The following LRRC3B variants were observed in gnomAD, a reference collection of about 807,000 sequenced individuals.
The protein encoded by LRRC3B is leucine-rich repeat-containing protein 3B.
In LRRC3B, 2 loss-of-function variants were observed where a neutral mutation model predicts 12.8. That is an observed-to-expected ratio of 0.16 (90% CI 0.06 to 0.49). LRRC3B has a LOEUF of 0.49. Among genes scored for constraint, LRRC3B ranks in the 20% least tolerant of loss-of-function variants. The pLI, the probability that LRRC3B is intolerant of heterozygous loss-of-function variation, is 0.96. For missense variants in LRRC3B, 189 were observed against 319.4 expected (o/e 0.59, Z 3.11); for synonymous variants, 132 against 122.0 (o/e 1.08, Z -0.54).
intron 1 of LRRC3B, among the ~76,000 whole-genome samples, chr3:26,660,604 C>T (rs1699472790): frequency 6.6e-6 from 1 of 152,142 alleles, no homozygotes; most frequent in Admixed American, 6.6e-5. Context: ...CTTGAGTAGT[C>T]AGTACGTGCC....
chr3:26,636,959 T>TTTCTTTCTTTCTTTCC (rs1559350395), intron 1 of LRRC3B, among the ~76,000 whole-genome samples: 9 of 125,032 alleles, frequency 7.2e-5, no homozygotes, highest in Admixed American at 2.7e-4. Flanking sequence ...TCTTTCTTTC[T>TTTCTTTCTTTCTTTCC]TTCTTTCTTT....
intron 1 of LRRC3B, among the ~76,000 whole-genome samples, chr3:26,699,222 A>C (rs1700393643): frequency 6.6e-6 from 1 of 152,166 alleles, no homozygotes; most frequent in African/African-American, 2.4e-5. Flanking sequence ...AGTTATACTT[A>C]AGAAATGTGA....
At chr3:26,636,695 T>C (rs1278272255) in intron 1 of LRRC3B, among the ~76,000 whole-genome samples, 1 of 152,134 alleles carries the variant, frequency 6.6e-6, no homozygotes, top group Non-Finnish European at 1.5e-5. Context: ...AGGACAACAG[T>C]GCTGAAAAAT....
intron 1 of LRRC3B, among the ~76,000 whole-genome samples, chr3:26,668,556 C>T (rs1429567997): frequency 2.6e-5 from 4 of 152,130 alleles, no homozygotes; most frequent in Admixed American, 6.5e-5. Flanking sequence ...CAAGGAGAAT[C>T]GACTATTAGG....
At chr3:26,671,413 G>GAGAGAGAGAGAGAGAGAGAGACACAC (rs9331540) in intron 1 of LRRC3B, among the ~76,000 whole-genome samples, 15 of 99,408 alleles carry the variant, frequency 1.5e-4, no homozygotes, top group Non-Finnish European at 2.3e-4. Flanking sequence ...GAGAGAGAGA[G>GAGAGAGAGAGAGAGAGAGAGACACAC]ACGAAGTCTT....
At chr3:26,700,074 C>A (rs970112125) in intron 1 of LRRC3B, among the ~76,000 whole-genome samples, 3 of 152,154 alleles carry the variant, frequency 2.0e-5, no homozygotes, top group Non-Finnish European at 4.4e-5. Context: ...AGAGTCAGTT[C>A]TTTCCCAATA....
intron 1 of LRRC3B, among the ~76,000 whole-genome samples, chr3:26,672,900 A>G (rs1270818856): frequency 6.6e-6 from 1 of 152,210 alleles, no homozygotes; most frequent in African/African-American, 2.4e-5. Context: ...ACATTCCACC[A>G]GATCAGCTGT....
chr3:26,636,890 CTCTCTCTCTCT>C (rs1559350164), intron 1 of LRRC3B, among the ~76,000 whole-genome samples: 1,031 of 86,922 alleles, frequency 0.012, 113 homozygotes, highest in African/African-American at 0.047. Context: ...TCCTTCCTTT[CTCTCTCTCTCT>C]CTTTCTCTCT....
At chr3:26,636,418 C>A (rs1698872341) in intron 1 of LRRC3B, among the ~76,000 whole-genome samples, 1 of 152,072 alleles carries the variant, frequency 6.6e-6, no homozygotes, top group South Asian at 2.1e-4. Flanking sequence ...ATGGCTTTTG[C>A]CATTTGAGAA....
At chr3:26,627,984 C>T (rs1698666567) in intron 1 of LRRC3B, among the ~76,000 whole-genome samples, 1 of 152,140 alleles carries the variant, frequency 6.6e-6, no homozygotes, top group African/African-American at 2.4e-5. Context: ...GGAACCTGGG[C>T]AGACATTCTG....
chr3:26,695,160 A>G (rs770226743), intron 1 of LRRC3B, among the ~76,000 whole-genome samples: 6 of 152,118 alleles, frequency 3.9e-5, no homozygotes, highest in Non-Finnish European at 8.8e-5. Flanking sequence ...AGATTGCTTC[A>G]TTCATTTTGA....
At chr3:26,678,991 C>A (rs1280862465) in intron 1 of LRRC3B, among the ~76,000 whole-genome samples, 1 of 152,148 alleles carries the variant, frequency 6.6e-6, no homozygotes, top group African/African-American at 2.4e-5. Flanking sequence ...ACAACAAATA[C>A]AAATGTATTT....
intron 1 of LRRC3B, among the ~76,000 whole-genome samples, chr3:26,685,486 C>CCTCCCTCTCT (rs1277835964): frequency 2.0e-4 from 10 of 49,568 alleles, no homozygotes; most frequent in African/African-American, 9.3e-4. Flanking sequence ...AGACTCTCTC[C>CCTCCCTCTCT]CTCTCTCTCT....
At chr3:26,684,685 A>G (rs890929921) in intron 1 of LRRC3B, among the ~76,000 whole-genome samples, 1 of 152,222 alleles carries the variant, frequency 6.6e-6, no homozygotes, top group African/African-American at 2.4e-5. Context: ...TCCACCCAGG[A>G]GGGCAAAGCC....
chr3:26,657,737 T>C (rs1026314945), intron 1 of LRRC3B, among the ~76,000 whole-genome samples: 1 of 152,190 alleles, frequency 6.6e-6, no homozygotes, highest in African/African-American at 2.4e-5. Context: ...GGTTGCTCTC[T>C]GAGCTGCATT....
At chr3:26,685,746 G>T (rs2125445253) in intron 1 of LRRC3B, among the ~76,000 whole-genome samples, 1 of 151,804 alleles carries the variant, frequency 6.6e-6, no homozygotes, top group African/African-American at 2.4e-5. Flanking sequence ...AAAGATCTTA[G>T]TTTCATGAAT....
At chr3:26,627,858 C>T (rs568336127) in intron 1 of LRRC3B, among the ~76,000 whole-genome samples, 5 of 152,072 alleles carry the variant, frequency 3.3e-5, no homozygotes, top group Non-Finnish European at 5.9e-5. Context: ...GTGGGGATAC[C>T]GGCTTAGTTG....
intron 1 of LRRC3B, among the ~76,000 whole-genome samples, chr3:26,639,589 A>G (rs1698978815): frequency 1.3e-5 from 2 of 150,446 alleles, no homozygotes; most frequent in South Asian, 4.2e-4. Context: ...TTCCTCAGTC[A>G]CACTAGCTAC....
intron 1 of LRRC3B, among the ~76,000 whole-genome samples, chr3:26,679,728 T>C (rs1483535021): frequency 6.6e-6 from 1 of 152,196 alleles, no homozygotes; most frequent in East Asian, 1.9e-4. Flanking sequence ...CCTGCCCTCC[T>C]CCACCAGAAT....
Sources: allele counts gnomAD v4.1 joint callset (sites outside exome capture counted in the v4.1 genomes callset), GRCh38; gene constraint gnomAD v4.1.1; transcripts MANE v1.5; gene names NCBI Gene and HGNC (gene_info 2026-07-23, HGNC 2026-07-21).